ATP8A1: variants seen among roughly 807,000 people sequenced by gnomAD.
ATP8A1 encodes phospholipid-transporting ATPase IA.
A neutral mutation model predicts 177.7 loss-of-function variants in ATP8A1; 90 were observed. The ratio of observed to expected loss-of-function variants is 0.51; its 90% CI spans 0.43 to 0.60. The LOEUF is 0.60. Among genes scored for constraint, ATP8A1 ranks in the 20% least tolerant of loss-of-function variants. The probability of loss-of-function intolerance (pLI) is 0.00; values close to 1 mark genes in which losing one functional copy is unlikely to be tolerated. For synonymous variants in ATP8A1, 493 were observed against 485.9 expected, an observed-to-expected ratio of 1.01 and a Z score of -0.19; for missense variants, 1,072 against 1,392.8, an observed-to-expected ratio of 0.77 and a Z score of 3.67.
intron 22 of ATP8A1, among the ~76,000 whole-genome samples, chr4:42,521,612 A>G (rs534095416): frequency 1.3e-5 from 2 of 152,302 alleles, no homozygotes; most frequent in Admixed American, 6.5e-5. Context: ...TAATACAGGT[A>G]TATGTTTGTC....
intron 1 of ATP8A1, among the ~76,000 whole-genome samples, chr4:42,640,059 C>T (rs1420751015): frequency 2.0e-5 from 3 of 152,130 alleles, no homozygotes; most frequent in Non-Finnish European, 4.4e-5. Flanking sequence ...AATCCATGGA[C>T]GTGAAACTCA....
intron 15 of ATP8A1, among the ~76,000 whole-genome samples, chr4:42,560,695 C>T (rs1212767576): frequency 1.3e-5 from 2 of 151,750 alleles, no homozygotes; most frequent in Non-Finnish European, 2.9e-5. Flanking sequence ...TCCAAATGTC[C>T]TGAGTAGACA....
Position 42,411,861 on chromosome 4 carries a change from G to A in ATP8A1, c.*1055C>T, listed in dbSNP as rs978525955. ...TAGGGGGCAGTCACCATAACACTGG[G>A]TGTGCTACACAAGACACAGGCATCT... On this transcript the variant is annotated 3_prime_UTR_variant, in exon 37 of 37. Transcript: ENST00000381668. 6.6e-6 allele frequency: 1 copy of A among 152,174 alleles called. No homozygotes were observed. The highest frequency in any genetic ancestry group is 1.5e-5 in the Non-Finnish European group (1 of 68,032). The allele number at this position is 152,174 out of a possible 1,614,324, so 9.4% of individuals were successfully genotyped here. A position where few individuals can be genotyped will look rare whatever the true frequency, so the allele number is the denominator to read the frequency against.
chr4:42,630,270 T>A (rs546004600), intron 1 of ATP8A1, among the ~76,000 whole-genome samples: 7 of 152,330 alleles, frequency 4.6e-5, no homozygotes. Flanking sequence ...TTCCTTCTTA[T>A]ACATGGAGTT....
In ATP8A1 at chr4:42,590,791, T is replaced by C; in HGVS notation, c.524+20A>G. 6.2e-7 allele frequency: 1 copy of C among 1,612,520 alleles called. No individual in the cohort carries two copies. Among genetic ancestry groups the C allele is most frequent in the Non-Finnish European group, 8.5e-7 (1 of 1,178,844 alleles). Reference sequence around the variant, plus strand: ...TGAGGACCCACATACACGCATCCTATACGACTCAGTGGTTCTAACCTTGAG... The same window carrying C: ...TGAGGACCCACATACACGCATCCTACACGACTCAGTGGTTCTAACCTTGAG... On this transcript the variant is annotated intron_variant, in intron 7 of 36. Transcript: ENST00000381668.
chr4:42,590,687 C>A, intron 7 of ATP8A1, 124 bp downstream of exon 7: 1 of 775,254 alleles, frequency 1.3e-6, no homozygotes. Flanking sequence ...CATCACCAAG[C>A]AGTATAAAAA....
At chr4:42,490,474 A>G (rs778225275) in intron 24 of ATP8A1, among the ~76,000 whole-genome samples, 5 of 152,140 alleles carry the variant, frequency 3.3e-5, no homozygotes, top group Non-Finnish European at 5.9e-5. Context: ...TCTCCTCAAG[A>G]GTCCAAATTT....
intron 24 of ATP8A1, among the ~76,000 whole-genome samples, chr4:42,489,968 A>G (rs1722580806): frequency 6.6e-6 from 1 of 152,176 alleles, no homozygotes; most frequent in African/African-American, 2.4e-5. Context: ...TGTTCTGCAT[A>G]TTTTCACTCG....
At chr4:42,527,913 G>A (rs894110657) in intron 20 of ATP8A1, among the ~76,000 whole-genome samples, 2 of 152,078 alleles carry the variant, frequency 1.3e-5, no homozygotes, top group Admixed American at 1.3e-4. Context: ...AATTTATGCT[G>A]TTAATCCTTC....
At chr4:42,555,147 T>TATCTAATCA (rs1553903413) in intron 16 of ATP8A1, among the ~76,000 whole-genome samples, 1 of 74,500 alleles carries the variant, frequency 1.3e-5, no homozygotes, top group East Asian at 3.6e-4. Context: ...CTAATCTATC[T>TATCTAATCA]ATCTATCTAT....
At chr4:42,602,167 A>G (rs1438466872) in intron 5 of ATP8A1, among the ~76,000 whole-genome samples, 1 of 152,246 alleles carries the variant, frequency 6.6e-6, no homozygotes, top group Non-Finnish European at 1.5e-5. Flanking sequence ...TTCCAGCACA[A>G]TATCTTAACC....
At chr4:42,416,866 A>C (rs1336092116) in intron 35 of ATP8A1, among the ~76,000 whole-genome samples, 3 of 152,148 alleles carry the variant, frequency 2.0e-5, no homozygotes, top group African/African-American at 7.2e-5. Flanking sequence ...ATCAACTAGA[A>C]CAGAGATCAT....
intron 7 of ATP8A1, among the ~76,000 whole-genome samples, chr4:42,589,845 A>G (rs570065726): frequency 1.0e-5 from 1 of 96,418 alleles, no homozygotes; most frequent in African/African-American, 3.7e-5. Context: ...ATAATATTCT[A>G]ATTCTACTTT....
intron 11 of ATP8A1, 41 bp downstream of exon 11, chr4:42,579,772 G>A (rs1050950246): frequency 6.6e-7 from 1 of 1,513,660 alleles, no homozygotes; most frequent in Non-Finnish European, 9.0e-7. Context: ...ACAAATACAT[G>A]TCTTAATCTA....
intron 24 of ATP8A1, among the ~76,000 whole-genome samples, chr4:42,496,729 T>C (rs1004000224): frequency 4.6e-5 from 7 of 152,170 alleles, no homozygotes; most frequent in African/African-American, 1.7e-4. Context: ...TCCATTATTT[T>C]ATATAGATAT....
Position 42,656,820 on chromosome 4 carries a change from CTT to C in ATP8A1, c.49+3_49+4del. On this transcript the variant is annotated splice_donor_region_variant and intron_variant, in intron 1 of 36. Transcript: ENST00000381668. The stretch of plus-strand genomic sequence containing the variant: ...GGCTAGCCCCGAGCCTCGGCGGCCC[CTT>C]ACCTTCGGCGCGCGAGCGGATCTCC... The C allele has an allele frequency of 1.3e-6, 2 of 1,570,772 alleles. No homozygotes were observed. Among genetic ancestry groups the C allele is most frequent in the Non-Finnish European group, 1.7e-6 (2 of 1,158,146 alleles).
chr4:42,580,241 A>G (rs1732893963), intron 10 of ATP8A1, among the ~76,000 whole-genome samples: 1 of 152,234 alleles, frequency 6.6e-6, no homozygotes, highest in African/African-American at 2.4e-5. Flanking sequence ...CCCTTTGCAA[A>G]AATAGCTTTT....
intron 1 of ATP8A1, among the ~76,000 whole-genome samples, chr4:42,642,646 C>T (rs931374641): frequency 6.6e-6 from 1 of 152,126 alleles, no homozygotes; most frequent in Non-Finnish European, 1.5e-5. Flanking sequence ...ACAGGTAGAA[C>T]AAAAACGATG....
intron 29 of ATP8A1, 140 bp from the exon 30 acceptor site, chr4:42,452,199 C>T (rs1354996665): frequency 1.0e-5 from 5 of 481,780 alleles, no homozygotes; most frequent in African/African-American, 1.0e-4. Flanking sequence ...AACTGACAGA[C>T]ACTTTCTGCC....
Sources: gnomAD v4.1 joint callset for allele counts (sites outside exome capture counted in the v4.1 genomes callset) on GRCh38, gnomAD v4.1.1 for gene constraint, MANE v1.5 for transcripts, NCBI Gene and HGNC (gene_info 2026-07-23, HGNC 2026-07-21) for gene names.